The following ATXN2 variants were observed in gnomAD, a reference collection of about 807,000 sequenced individuals.
The protein encoded by ATXN2 is ataxin 2, also known as ataxin-2.
ATXN2 carries 37 observed loss-of-function variants against 138.6 expected under a neutral mutation model. The ratio of observed to expected loss-of-function variants is 0.27; its 90% CI spans 0.21 to 0.35. The LOEUF is 0.35. Among genes scored for constraint, ATXN2 ranks in the 10% least tolerant of loss-of-function variants. The pLI is 1.00. For missense variants in ATXN2, 1,216 were observed against 1,480.3 expected (o/e 0.82, Z 2.93); for synonymous variants, 549 against 543.7 (o/e 1.01, Z -0.13).
At chr12:111,535,051 C>A (rs1160883435) in intron 5 of ATXN2, among the ~76,000 whole-genome samples, 3 of 152,064 alleles carry the variant, frequency 2.0e-5, no homozygotes, top group Non-Finnish European at 4.4e-5. Flanking sequence ...GGGAGAACAG[C>A]TTGAGCCCAG....
intron 20 of ATXN2, 168 bp downstream of exon 20, chr12:111,469,940 C>T: frequency 1.3e-6 from 1 of 767,192 alleles, no homozygotes; most frequent in Non-Finnish European, 1.9e-6. Context: ...AACTATTTGC[C>T]AAAAGTTATA....
intron 14 of ATXN2, among the ~76,000 whole-genome samples, chr12:111,505,820 C>T (rs571256839): frequency 2.6e-5 from 4 of 152,016 alleles, no homozygotes; most frequent in Non-Finnish European, 4.4e-5. Flanking sequence ...GCCATATGAC[C>T]CAGCAATTCA....
intron 1 of ATXN2, among the ~76,000 whole-genome samples, chr12:111,585,801 C>CAAA (rs761433806): frequency 0.013 from 323 of 24,780 alleles, 24 homozygotes; most frequent in Non-Finnish European, 0.053. Context: ...AACTCCATCT[C>CAAA]AAAAAAAAAA....
intron 1 of ATXN2, among the ~76,000 whole-genome samples, chr12:111,573,982 T>A (rs1883485157): frequency 6.6e-6 from 1 of 151,368 alleles, no homozygotes; most frequent in Admixed American, 6.6e-5. Context: ...TAAATAGACA[T>A]TCTTATATAT....
At chr12:111,524,476 C>G (rs190494463) in intron 6 of ATXN2, among the ~76,000 whole-genome samples, 2 of 152,040 alleles carry the variant, frequency 1.3e-5, no homozygotes, top group East Asian at 3.9e-4. Context: ...ATTTTTATTT[C>G]TTAGAGAAGG....
At position 111,598,956 on chromosome 12, in the gene ATXN2, G is replaced by A; in HGVS notation, c.79C>T (p.Gln27Ter). 1 of 1,479,414 alleles carries A rather than the reference G, an allele frequency of 6.8e-7. No homozygotes were observed. Among genetic ancestry groups the A allele is most frequent in the Non-Finnish European group, 9.0e-7 (1 of 1,110,268 alleles). The allele number at this position is 1,479,414 out of a possible 1,614,324, so 91.6% of individuals were successfully genotyped here. A position where few individuals can be genotyped will look rare whatever the true frequency, so the allele number is the denominator to read the frequency against. Residue 27 changes from glutamine to a stop codon, truncating the protein, a stop_gained, in exon 1 of 25, where the codon CAG becomes TAG. Coordinates refer to ENST00000673436, the MANE Select transcript of ATXN2 (RefSeq NM_001372574.1). LOFTEE classifies it high-confidence loss of function. This position sits in a 1 kb window ranked among gnomAD's most constrained non-coding sequence, Gnocchi z 4.5. The part of the protein sequence containing the change: ...QQQQQQQQQQ[Q>*]QPPPAAANVR... ...TTGGCAGCCGCGGGCGGCGGCTGCT[G>A]CTGCTGCTGCTGCTGCTGCTGTTGC...
rs761823722 is a variant in ATXN2, at chr12:111,457,329, G to A, written c.2927C>T (p.Ala976Val). 1.3e-5 allele frequency: 21 copies of A among 1,613,052 alleles called. No homozygotes were observed. Among genetic ancestry groups the A allele is most frequent in the Admixed American group, 6.7e-5 (4 of 59,726 alleles). The change falls in exon 22 of 25, where the codon GCG becomes GTG. Residue 976 changes from alanine (A) to valine (V), a missense_variant. By Grantham distance (64) the Ala-to-Val change is moderately conservative. Coordinates refer to ENST00000673436, the MANE Select transcript of ATXN2 (RefSeq NM_001372574.1). ...ISTGSLAQQY[A>V]HPNATLHPHT... Reference sequence around the variant, plus strand: ...TGGGTGCAGGGTAGCGTTAGGGTGCGCATACTGCTGAGCAAGGGAGCCCGT... The same window carrying A: ...TGGGTGCAGGGTAGCGTTAGGGTGCACATACTGCTGAGCAAGGGAGCCCGT...
intron 18 of ATXN2, among the ~76,000 whole-genome samples, chr12:111,479,318 C>T (rs1038290408): frequency 3.5e-5 from 5 of 143,264 alleles, no homozygotes; most frequent in Non-Finnish European, 6.0e-5. Flanking sequence ...TTTGGGAGGC[C>T]AAGGCAGGTG....
chr12:111,500,226 G>A (rs974767418), intron 14 of ATXN2, among the ~76,000 whole-genome samples: 1 of 152,130 alleles, frequency 6.6e-6, no homozygotes, highest in South Asian at 2.1e-4. Context: ...TCCACTGACA[G>A]ACAAATGGAG....
intron 1 of ATXN2, among the ~76,000 whole-genome samples, chr12:111,565,710 A>G (rs112563059): frequency 7.2e-5 from 11 of 152,256 alleles, no homozygotes; most frequent in African/African-American, 2.6e-4. Flanking sequence ...AATTAGGCCA[A>G]TTAGGCCAGG....
Position 111,452,701 on chromosome 12 carries a change from A to T in ATXN2, c.*111T>A, listed in dbSNP as rs1184366839. On this transcript the variant is annotated 3_prime_UTR_variant, in exon 25 of 25. Coordinates refer to ENST00000673436, the MANE Select transcript of ATXN2 (RefSeq NM_001372574.1). Reference sequence around the variant, plus strand: ...CTATTGGATGTTACAAGAAATCAACATATATATTTTAAAAACAAAATAAAT... The same window carrying T: ...CTATTGGATGTTACAAGAAATCAACTTATATATTTTAAAAACAAAATAAAT... The T allele has an allele frequency of 8.2e-7, 1 of 1,218,778 alleles. No individual in the cohort carries two copies. Among genetic ancestry groups the T allele is most frequent in the Non-Finnish European group, 1.2e-6 (1 of 825,984 alleles). 75.5% of individuals were successfully genotyped at this position (1,218,778 alleles called of 1,614,324 possible).
intron 18 of ATXN2, among the ~76,000 whole-genome samples, chr12:111,477,701 A>T (rs1378919111): frequency 6.6e-6 from 1 of 152,232 alleles, no homozygotes; most frequent in Admixed American, 6.5e-5. Context: ...TAAATAACTT[A>T]AAATAATTTA....
In ATXN2 at chr12:111,592,782, C is replaced by CAAAAAAAAA. The variant is rs71083183; in HGVS notation, c.251+5993_251+6001dup. On this transcript the variant is annotated intron_variant, in intron 1 of 24. Coordinates refer to ENST00000673436, the MANE Select transcript of ATXN2 (RefSeq NM_001372574.1). ...TGGGCGACAGAGCAAGACTCCGTCT[C>CAAAAAAAAA]AAAAAAAAAAAAAAAAAAAAAAGAT... is the stretch of plus-strand genomic sequence containing the variant. Among the ~76,000 whole-genome samples the CAAAAAAAAA allele has an allele frequency of 8.7e-3, 225 of 25,998 alleles. 44 individuals are homozygous for CAAAAAAAAA. The highest frequency in any genetic ancestry group is 0.023 in the East Asian group (31 of 1,324). 17.1% of individuals were successfully genotyped at this position (25,998 alleles called of 152,430 possible).
intron 1 of ATXN2, among the ~76,000 whole-genome samples, chr12:111,588,872 G>A (rs1884483522): frequency 6.6e-6 from 1 of 150,756 alleles, no homozygotes; most frequent in African/African-American, 2.4e-5. Flanking sequence ...GCGGGCGCAT[G>A]TAGTCCCAGC....
intron 1 of ATXN2, among the ~76,000 whole-genome samples, chr12:111,567,505 A>G (rs1399642992): frequency 6.6e-6 from 1 of 151,026 alleles, no homozygotes; most frequent in East Asian, 2.0e-4. Flanking sequence ...ATTTCAAAAA[A>G]AAAAAAGAAC....
At chr12:111,581,777 C>T (rs1485472638) in intron 1 of ATXN2, 2 of 569,154 alleles carry the variant, frequency 3.5e-6, no homozygotes, top group African/African-American at 3.8e-5. Flanking sequence ...AGTCTATCAA[C>T]AGATCAGGAG....
chr12:111,598,151 G>T lies in ATXN2; in HGVS notation c.251+633C>A, dbSNP rs1012793413. The stretch of plus-strand genomic sequence containing the variant: ...CGCCGCCGCCTCGGACACGAACGCA[G>T]AGGGGTGCGGGGGCCAAGGCCCACT... On this transcript the variant is annotated intron_variant, in intron 1 of 24. Coordinates refer to ENST00000673436, the MANE Select transcript of ATXN2 (RefSeq NM_001372574.1). The surrounding 1 kb of genome is among the most constrained non-coding windows in gnomAD (Gnocchi z 4.5). 2.9e-5 allele frequency: 32 copies of T among 1,110,234 alleles called. No homozygotes were observed. Among genetic ancestry groups the T allele is most frequent in the Non-Finnish European group, 3.3e-6 (3 of 899,438 alleles). The allele number at this position is 1,110,234 out of a possible 1,614,324, so 68.8% of individuals were successfully genotyped here.
rs1009438755 is a variant in ATXN2, at chr12:111,510,243, A to G, written c.1756+142T>C. Reference sequence around the variant, plus strand: ...TAAATTAGTAGTATTAAACAACATCAAAATTTACATAAACTTTTAAATGTG... The same window carrying G: ...TAAATTAGTAGTATTAAACAACATCGAAATTTACATAAACTTTTAAATGTG... On this transcript the variant is annotated intron_variant, in intron 12 of 24. Coordinates refer to ENST00000673436, the MANE Select transcript of ATXN2 (RefSeq NM_001372574.1). The G allele has an allele frequency of 7.9e-6, 8 of 1,010,260 alleles. No individual in the cohort carries two copies. In the African/African-American group the frequency reaches 8.2e-5, roughly 10 times the overall value. The allele number at this position is 1,010,260 out of a possible 1,614,324, so 62.6% of individuals were successfully genotyped here.
At chr12:111,543,879 C>A (rs1413363341) in intron 5 of ATXN2, among the ~76,000 whole-genome samples, 19 of 151,990 alleles carry the variant, frequency 1.3e-4, no homozygotes, top group Admixed American at 1.2e-3. Context: ...AGGTAAAGGC[C>A]AGCCTGGGAA....
Sources: gnomAD v4.1 joint callset for allele counts (sites outside exome capture counted in the v4.1 genomes callset) on GRCh38, gnomAD v4.1.1 for gene constraint, Gnocchi (gnomAD v3.1) non-coding constraint, MANE v1.5 for transcripts, NCBI Gene and HGNC (gene_info 2026-07-23, HGNC 2026-07-21) for gene names.